The following CLCNKA variants were observed in gnomAD, a reference collection of about 807,000 sequenced individuals.
CLCNKA encodes the protein chloride voltage-gated channel Ka, also known as chloride channel protein ClC-Ka.
In CLCNKA, 66 loss-of-function variants were observed where a neutral mutation model predicts 83.3. The observed-to-expected ratio is 0.79, with a 90% CI of 0.65 to 0.97. CLCNKA has a LOEUF of 0.97. Among genes scored for constraint, CLCNKA ranks in the 50% least tolerant of loss-of-function variants. The probability of loss-of-function intolerance (pLI) is 0.00; values close to 1 mark genes in which losing one functional copy is unlikely to be tolerated. For missense variants in CLCNKA, 806 were observed against 888.7 expected (o/e 0.91, Z 1.18); for synonymous variants, 357 against 370.4 (o/e 0.96, Z 0.42).
chr1:16,022,369 G>A (rs953496529), intron 1 of CLCNKA, among the ~76,000 whole-genome samples: 3 of 152,126 alleles, frequency 2.0e-5, no homozygotes, highest in African/African-American at 7.2e-5. Flanking sequence ...TCCACAGTCT[G>A]CTGCTGGACA....
intron 16 of CLCNKA, 50 bp from the exon 17 acceptor site, chr1:16,032,153 G>A: frequency 3.2e-6 from 5 of 1,547,568 alleles, no homozygotes; most frequent in Non-Finnish European, 4.5e-6. Context: ...TGGCCCTCAG[G>A]CCTGTTTCTT....
chr1:16,023,468 C>T (rs1225130747), intron 2 of CLCNKA, among the ~76,000 whole-genome samples: 1 of 152,176 alleles, frequency 6.6e-6, no homozygotes, highest in East Asian at 1.9e-4. Flanking sequence ...GGGCAGCAGT[C>T]CTGGCATCCA....
Position 16,026,097 on chromosome 1 carries a change from G to A in CLCNKA, c.359-11G>A, listed in dbSNP as rs747466093. On this transcript the variant is annotated splice_polypyrimidine_tract_variant and intron_variant, in intron 4 of 19. Transcript: ENST00000331433. ...ATTGTCCCCTGCTTGTTCCTGTCCT[G>A]TCTGGCTAAGGTTCTGGAATCCCGG... 2 of 1,612,376 alleles carry A rather than the reference G, an allele frequency of 1.2e-6. No individual in the cohort carries two copies. Among genetic ancestry groups the A allele is most frequent in the Non-Finnish European group, 1.7e-6 (2 of 1,179,994 alleles).
chr1:16,029,362 G>T (rs759535071), intron 12 of CLCNKA, 63 bp downstream of exon 12: 2 of 1,609,818 alleles, frequency 1.2e-6, no homozygotes, highest in African/African-American at 1.3e-5. Context: ...GAGGGGCGGG[G>T]GTGCCTCCCT....
intron 7 of CLCNKA, 150 bp downstream of exon 7, chr1:16,026,925 GGGGGCGGC>G: frequency 9.6e-7 from 1 of 1,041,596 alleles, no homozygotes; most frequent in South Asian, 1.5e-5. Context: ...GCCACCCCCC[GGGGGCGGC>G]GGGGCGGGGC....
rs187477176 is a variant in CLCNKA, at chr1:16,026,922, C to G, written c.655+147C>G. 2.1e-3 allele frequency: 2,341 copies of G among 1,094,884 alleles called. 21 individuals are homozygous for G. The highest frequency in any genetic ancestry group is 0.016 in the African/African-American group (1,010 of 64,410). The allele number at this position is 1,094,884 out of a possible 1,614,324, so 67.8% of individuals were successfully genotyped here. A position where few individuals can be genotyped will look rare whatever the true frequency, so the allele number is the denominator to read the frequency against. On this transcript the variant is annotated intron_variant, in intron 7 of 19. Coordinates refer to ENST00000331433, the MANE Select transcript of CLCNKA (RefSeq NM_004070.4). Reference sequence around the variant, plus strand: ...AGCCCCGCTTTGGGTATAGCCACCCCCCGGGGGCGGCGGGGCGGGGCGGGT... The same window carrying G: ...AGCCCCGCTTTGGGTATAGCCACCCGCCGGGGGCGGCGGGGCGGGGCGGGT...
In CLCNKA at chr1:16,030,622, A is replaced by G. The variant is rs548924213; in HGVS notation, c.1570A>G (p.Ile524Val). The G allele has an allele frequency of 6.5e-5, 105 of 1,612,986 alleles. No individual in the cohort carries two copies. Among genetic ancestry groups the G allele is most frequent in the East Asian group, 1.6e-4 (7 of 44,870 alleles). The part of the protein sequence containing the change: ...SCQPSFYDGT[I>V]IVKKLPYLPR... ...CCAGCCCTCCTTCTATGATGGCACC[A>G]TCATTGTCAAGAAGCTGCCATACCT... Residue 524 changes from isoleucine to valine, a missense_variant, in exon 15 of 20, where the codon ATC (isoleucine) becomes GTC (valine). Ile to Val is a conservative substitution (Grantham distance 29, BLOSUM62 3). Coordinates refer to ENST00000331433, the MANE Select transcript of CLCNKA (RefSeq NM_004070.4).
At chr1:16,025,691 G>GA (rs1200673873) in intron 4 of CLCNKA, among the ~76,000 whole-genome samples, 62 of 146,656 alleles carry the variant, frequency 4.2e-4, no homozygotes, top group African/African-American at 1.0e-3. Flanking sequence ...TGTCTCAAAG[G>GA]AAAAAAAAAA....
intron 1 of CLCNKA, 53 bp from the exon 2 acceptor site, chr1:16,022,560 C>T (rs1358958214): frequency 9.6e-6 from 13 of 1,356,514 alleles, no homozygotes; most frequent in East Asian, 7.5e-5. Flanking sequence ...CCAGAGGCAG[C>T]GCGAGGACGT....
chr1:16,026,565 C>T lies in CLCNKA; in HGVS notation c.528C>T (p.Ile176=). 1.2e-6 allele frequency: 2 copies of T among 1,614,038 alleles called. No homozygotes were observed. The highest frequency in any genetic ancestry group is 1.7e-6 in the Non-Finnish European group (2 of 1,180,012). The change falls in exon 6 of 20, where the codon ATC becomes ATT. Residue 176 remains isoleucine (I), a synonymous_variant. Coordinates refer to ENST00000331433, the MANE Select transcript of CLCNKA (RefSeq NM_004070.4). The part of the protein sequence containing the change: ...VGPFVHLSVM[I]AAYLGRVRTT... The stretch of plus-strand genomic sequence containing the variant: ...CTTTCGTGCACCTGTCTGTAATGAT[C>T]GCTGCCTACCTGGGCCGTGTGCGCA...
At chr1:16,026,956 G>A in intron 7 of CLCNKA, 181 bp downstream of exon 7, 1 of 770,836 alleles carries the variant, frequency 1.3e-6, no homozygotes, top group Non-Finnish European at 2.1e-6. Context: ...GTGGTTGGGG[G>A]CGTGGTTGGG....
chr1:16,032,519 T>G lies in CLCNKA; in HGVS notation c.1922T>G (p.Leu641Trp). 2 of 1,612,416 alleles carry G rather than the reference T, an allele frequency of 1.2e-6. No homozygotes were observed. Among genetic ancestry groups the G allele is most frequent in the Non-Finnish European group, 1.7e-6 (2 of 1,179,210 alleles). ...CTGACGCTATTCTCAGAGACCACCTTGCACCAGGTAACAAGTATTGGGGAG... is the reference window on the plus strand; with the variant it reads ...CTGACGCTATTCTCAGAGACCACCTGGCACCAGGTAACAAGTATTGGGGAG... ...VTLTLFSETT[L>W]HQAQNLFKLL... is the part of the protein sequence containing the mutation. Residue 641 changes from leucine to tryptophan, a missense_variant, in exon 18 of 20, where the codon TTG becomes TGG. By Grantham distance (61) the Leu-to-Trp change is moderately conservative (BLOSUM62 -2). Transcript: ENST00000331433.
chr1:16,027,541 C>T, intron 8 of CLCNKA, 106 bp downstream of exon 8: 1 of 1,543,794 alleles, frequency 6.5e-7, no homozygotes, highest in Non-Finnish European at 8.8e-7. Flanking sequence ...CCCTCTCTCT[C>T]CCTCTTTTCC....
chr1:16,026,078 C>A, intron 4 of CLCNKA, 30 bp from the exon 5 acceptor site: 1 of 1,611,960 alleles, frequency 6.2e-7, no homozygotes, highest in Non-Finnish European at 8.5e-7. Flanking sequence ...AGAGATTGTC[C>A]CCTGCTTGTT....
intron 11 of CLCNKA, 42 bp from the exon 12 acceptor site, chr1:16,029,084 G>C (rs778083492): frequency 1.4e-5 from 19 of 1,348,700 alleles, no homozygotes; most frequent in South Asian, 6.0e-5. Context: ...TCTGCCGCTG[G>C]GGGGGGCCCC....
chr1:16,029,454 G>T, intron 12 of CLCNKA, 155 bp downstream of exon 12: 1 of 1,234,008 alleles, frequency 8.1e-7, no homozygotes. Flanking sequence ...TGGATAAGTG[G>T]CTTCAGGTCT....
chr1:16,029,830 T>C (rs2124047285), intron 13 of CLCNKA, 30 bp downstream of exon 13: 1 of 1,613,426 alleles, frequency 6.2e-7, no homozygotes, highest in Admixed American at 1.7e-5. Context: ...GTTCTGAGAG[T>C]TTTGGGGTTC....
In CLCNKA at chr1:16,023,931, A is replaced by G. The variant is rs1270424441; in HGVS notation, c.229+3A>G. The G allele has an allele frequency of 1.2e-6, 2 of 1,613,942 alleles. No individual in the cohort carries two copies. Among genetic ancestry groups the G allele is most frequent in the South Asian group, 1.1e-5 (1 of 91,078 alleles). ...TGCCATCGGGTGTGTGGTCCGAGGTAACTCTTCCCTGGCAGGTGCTGCTCT... is the reference window on the plus strand; with the variant it reads ...TGCCATCGGGTGTGTGGTCCGAGGTGACTCTTCCCTGGCAGGTGCTGCTCT... On this transcript the variant is annotated splice_donor_region_variant and intron_variant, in intron 3 of 19. Transcript: ENST00000331433.
chr1:16,022,445 T>C (rs1473289071), intron 1 of CLCNKA, among the ~76,000 whole-genome samples, 168 bp from the exon 2 acceptor site: 1 of 152,080 alleles, frequency 6.6e-6, no homozygotes, highest in Non-Finnish European at 1.5e-5. Flanking sequence ...ACACCCTCAG[T>C]GACGGAACCT....
Sources: gnomAD v4.1 joint callset for allele counts (sites outside exome capture counted in the v4.1 genomes callset) on GRCh38, gnomAD v4.1.1 for gene constraint, MANE v1.5 for transcripts, NCBI Gene and HGNC (gene_info 2026-07-23, HGNC 2026-07-21) for gene names.